The following SCIN variants were observed in gnomAD, a reference collection of about 807,000 sequenced individuals.
The protein encoded by SCIN is scinderin, also known as adseverin.
In SCIN, 91 loss-of-function variants were observed where a neutral mutation model predicts 91.8. That is an observed-to-expected ratio of 0.99 (90% CI 0.84 to 1.18). The LOEUF (loss-of-function observed/expected upper bound fraction) is 1.18. SCIN is among the 50% of genes most tolerant of loss of function. The pLI is 0.00. For synonymous variants in SCIN, 367 were observed against 312.6 expected (o/e 1.17, Z -1.84); for missense variants, 1,087 against 863.9 (o/e 1.26, Z -3.24).
Position 12,604,388 on chromosome 7 carries a change from T to C in SCIN, c.517-126T>C. ...GATGCAGAATGAAGTGTAACAATTA[T>C]GTATATACCTCAACAATAGGTCATT... On this transcript the variant is annotated intron_variant, in intron 3 of 15. Transcript: ENST00000297029. 9.3e-6 allele frequency: 7 copies of C among 750,912 alleles called. No homozygotes were observed. The East Asian group carries it at 1.1e-4, about 12-fold the overall frequency. 46.5% of individuals were successfully genotyped at this position (750,912 alleles called of 1,614,324 possible). A position where few individuals can be genotyped will look rare whatever the true frequency, so the allele number is the denominator to read the frequency against.
chr7:12,603,015 GT>G (rs1017165067), intron 3 of SCIN, among the ~76,000 whole-genome samples: 2 of 152,162 alleles, frequency 1.3e-5, no homozygotes, highest in African/African-American at 4.8e-5. Context: ...TTCCTCTGCT[GT>G]GGCTCCAGCC....
At chr7:12,572,997 A>G (rs960198475) in intron 1 of SCIN, among the ~76,000 whole-genome samples, 1 of 152,174 alleles carries the variant, frequency 6.6e-6, no homozygotes, top group African/African-American at 2.4e-5. Flanking sequence ...GGGAAACAGA[A>G]GCCTTTAGAG....
At position 12,614,413 on chromosome 7, in the gene SCIN, T is replaced by C. The variant is rs577037233; in HGVS notation, c.667-8388T>C. ...AGAAGAGGCACTCTTCTAGGAGCTTTACAGGATTTAACTCTTAAAACCCTT... is the reference window on the plus strand; with the variant it reads ...AGAAGAGGCACTCTTCTAGGAGCTTCACAGGATTTAACTCTTAAAACCCTT... On this transcript the variant is annotated intron_variant, in intron 4 of 15. Coordinates refer to ENST00000297029, the MANE Select transcript of SCIN (RefSeq NM_001112706.3). Among the ~76,000 whole-genome samples the C allele has an allele frequency of 4.6e-5, 7 of 152,308 alleles. No individual in the cohort carries two copies. The East Asian group carries it at 1.2e-3, about 25-fold the overall frequency.
intron 11 of SCIN, 74 bp downstream of exon 11, chr7:12,640,591 A>G: frequency 7.6e-7 from 1 of 1,316,308 alleles, no homozygotes; most frequent in South Asian, 2.1e-5. Context: ...AGCAAATATT[A>G]GACTTTAAAA....
At chr7:12,601,990 G>A (rs1031846199) in intron 3 of SCIN, among the ~76,000 whole-genome samples, 5 of 152,210 alleles carry the variant, frequency 3.3e-5, no homozygotes, top group African/African-American at 4.8e-5. Flanking sequence ...GGGGAAGTCG[G>A]TAGAACATGA....
In SCIN at chr7:12,653,367, GT is replaced by G. The variant is rs911664709; in HGVS notation, c.*658del. ...AATGCATTAGCCATTAGTCAGAGTTGTTTTTTAACATGCCAGAGAAAAAGTT... is the reference window on the plus strand; with the variant it reads ...AATGCATTAGCCATTAGTCAGAGTTGTTTTTAACATGCCAGAGAAAAAGTT... On this transcript the variant is annotated 3_prime_UTR_variant, in exon 16 of 16. Coordinates refer to ENST00000297029, the MANE Select transcript of SCIN (RefSeq NM_001112706.3). The surrounding 1 kb of genome is among the most constrained non-coding windows in gnomAD (Gnocchi z 4.1). 1 of 152,084 alleles carries G rather than the reference GT, an allele frequency of 6.6e-6. No individual in the cohort carries two copies. Among genetic ancestry groups the G allele is most frequent in the African/African-American group, 2.4e-5 (1 of 41,418 alleles). The allele number at this position is 152,084 out of a possible 1,614,324, so 9.4% of individuals were successfully genotyped here.
intron 4 of SCIN, among the ~76,000 whole-genome samples, chr7:12,608,380 A>G (rs1482113642): frequency 6.6e-6 from 1 of 151,850 alleles, no homozygotes; most frequent in East Asian, 1.9e-4. Flanking sequence ...TGAAAATGTC[A>G]TTTCTTTTTC....
intron 10 of SCIN, among the ~76,000 whole-genome samples, chr7:12,640,102 G>C (rs1047949636): frequency 6.6e-6 from 1 of 152,196 alleles, no homozygotes; most frequent in Non-Finnish European, 1.5e-5. Context: ...GGAGCATGGT[G>C]ATGTTTCCCC....
chr7:12,636,670 A>C (rs2115288303), intron 10 of SCIN, among the ~76,000 whole-genome samples: 1 of 152,342 alleles, frequency 6.6e-6, no homozygotes, highest in Admixed American at 6.5e-5. Flanking sequence ...GTAAAACAGA[A>C]GCCAGACAGA....
At chr7:12,588,417 A>G (rs771176874) in intron 3 of SCIN, among the ~76,000 whole-genome samples, 1 of 152,172 alleles carries the variant, frequency 6.6e-6, no homozygotes, top group Non-Finnish European at 1.5e-5. Flanking sequence ...TAAACACATT[A>G]TAATTGGAGA....
At chr7:12,615,919 A>T (rs1482325636) in intron 4 of SCIN, among the ~76,000 whole-genome samples, 1 of 152,148 alleles carries the variant, frequency 6.6e-6, no homozygotes, top group Non-Finnish European at 1.5e-5. Flanking sequence ...GTTATATATA[A>T]ATCAGGTTTA....
At chr7:12,636,282 C>A in intron 10 of SCIN, 147 bp downstream of exon 10, 1 of 614,948 alleles carries the variant, frequency 1.6e-6, no homozygotes, top group Non-Finnish European at 2.8e-6. Context: ...AATATTCCTA[C>A]TCTCATTTCA....
In SCIN at chr7:12,631,920, G is replaced by A. The variant is rs561914476; in HGVS notation, c.1319+2698G>A. On this transcript the variant is annotated intron_variant, in intron 9 of 15. Transcript: ENST00000297029. ...TGTGCTCCAATCTACTCGTCATAGAGTATGGCTGAAGAACATTTAGGGAAC... is the reference window on the plus strand; with the variant it reads ...TGTGCTCCAATCTACTCGTCATAGAATATGGCTGAAGAACATTTAGGGAAC... 2.6e-5 allele frequency among the ~76,000 whole-genome samples: 4 copies of A among 152,192 alleles called. No homozygotes were observed. In the South Asian group the frequency reaches 6.2e-4, roughly 24 times the overall value.
chr7:12,571,116 C>A (rs762562777), intron 1 of SCIN, 131 bp downstream of exon 1: 2 of 1,067,284 alleles, frequency 1.9e-6, no homozygotes, highest in Non-Finnish European at 1.3e-6. Context: ...CCCCACGGGG[C>A]TGCCCTTTGG....
intron 4 of SCIN, among the ~76,000 whole-genome samples, chr7:12,608,457 A>G (rs949717105): frequency 3.9e-5 from 6 of 152,090 alleles, no homozygotes; most frequent in Admixed American, 1.3e-4. Flanking sequence ...TTTTTCAAAT[A>G]TATTTTAAAT....
intron 15 of SCIN, 122 bp from the exon 16 acceptor site, chr7:12,652,466 C>T: frequency 2.3e-6 from 2 of 851,900 alleles, no homozygotes; most frequent in East Asian, 2.9e-5. Flanking sequence ...TCAATGTAGC[C>T]AATATTTATT....
At chr7:12,620,036 G>A (rs928277287) in intron 4 of SCIN, among the ~76,000 whole-genome samples, 7 of 151,688 alleles carry the variant, frequency 4.6e-5, no homozygotes, top group African/African-American at 1.4e-4. Context: ...AGGGATAATT[G>A]ACAAAGTTTG....
intron 9 of SCIN, 77 bp downstream of exon 9, chr7:12,629,299 T>C: frequency 7.5e-7 from 1 of 1,331,074 alleles, no homozygotes; most frequent in South Asian, 1.5e-5. Context: ...CTATGCATTA[T>C]GGGGTAGAAT....
intron 4 of SCIN, among the ~76,000 whole-genome samples, chr7:12,617,214 G>C (rs1419314888): frequency 1.3e-5 from 2 of 151,962 alleles, no homozygotes; most frequent in Non-Finnish European, 2.9e-5. Flanking sequence ...GTGAAGAAAG[G>C]GTACAGGATC....
Sources: allele counts gnomAD v4.1 joint callset (sites outside exome capture counted in the v4.1 genomes callset), GRCh38; gene constraint gnomAD v4.1.1; non-coding constraint Gnocchi (gnomAD v3.1); transcripts MANE v1.5; gene names NCBI Gene and HGNC (gene_info 2026-07-23, HGNC 2026-07-21).